SEMA3E: variants seen among roughly 807,000 people sequenced by gnomAD.
SEMA3E encodes semaphorin-3E.
In SEMA3E, 49 loss-of-function variants were observed where a neutral mutation model predicts 93.6. The observed-to-expected ratio is 0.52, with a 90% CI of 0.42 to 0.66. SEMA3E has a LOEUF of 0.66. SEMA3E is among the 30% of genes least tolerant of loss of function. The probability of loss-of-function intolerance (pLI) is 0.00; values close to 1 mark genes in which losing one functional copy is unlikely to be tolerated. For missense variants in SEMA3E, 906 were observed against 964.8 expected, an observed-to-expected ratio of 0.94 and a Z score of 0.81; for synonymous variants, 363 against 330.7, an observed-to-expected ratio of 1.10 and a Z score of -1.06.
At chr7:83,438,570 T>A (rs992057696) in intron 4 of SEMA3E, among the ~76,000 whole-genome samples, 1 of 152,036 alleles carries the variant, frequency 6.6e-6, no homozygotes, top group African/African-American at 2.4e-5. Flanking sequence ...TAGAAAACAA[T>A]AGTAGTGATA....
intron 3 of SEMA3E, among the ~76,000 whole-genome samples, chr7:83,467,818 A>T (rs1220518658): frequency 6.6e-6 from 1 of 152,252 alleles, no homozygotes; most frequent in East Asian, 1.9e-4. Context: ...AATTGAGCAC[A>T]GCACCTAATA....
intron 1 of SEMA3E, among the ~76,000 whole-genome samples, chr7:83,554,092 A>AT (rs1791831409): frequency 2.6e-5 from 4 of 152,162 alleles, no homozygotes; most frequent in Admixed American, 2.6e-4. Flanking sequence ...TATGTTAAGA[A>AT]TATATTCTCA....
rs182178191 is a variant in SEMA3E, at chr7:83,427,967, C to T, written c.457-9484G>A. Reference sequence around the variant, plus strand: ...GGCATTCCCAGCATTAACATGTGGGCTGCATTTTCTGTTTCAATGTGATAT... The same window carrying T: ...GGCATTCCCAGCATTAACATGTGGGTTGCATTTTCTGTTTCAATGTGATAT... On this transcript the variant is annotated intron_variant, in intron 4 of 16. Coordinates refer to ENST00000643230, the MANE Select transcript of SEMA3E (RefSeq NM_012431.3). Among the ~76,000 whole-genome samples, 22 of 152,294 alleles carry T rather than the reference C, an allele frequency of 1.4e-4. No individual in the cohort carries two copies. In the East Asian group the frequency reaches 3.9e-3, roughly 27 times the overall value.
At chr7:83,407,018 T>C in intron 7 of SEMA3E, 79 bp downstream of exon 7, 1 of 1,544,646 alleles carries the variant, frequency 6.5e-7, no homozygotes, top group Non-Finnish European at 8.9e-7. Flanking sequence ...TATTTAAAAG[T>C]AGAAACTTAC....
intron 1 of SEMA3E, 148 bp from the exon 2 acceptor site, chr7:83,490,422 G>T: frequency 1.4e-6 from 1 of 738,880 alleles, no homozygotes; most frequent in Non-Finnish European, 2.2e-6. Context: ...GAATTTTAAT[G>T]TGCACAAGTT....
At chr7:83,436,229 T>C (rs1430736394) in intron 4 of SEMA3E, among the ~76,000 whole-genome samples, 3 of 151,766 alleles carry the variant, frequency 2.0e-5, no homozygotes, top group African/African-American at 4.8e-5. Context: ...GTTAAAGATA[T>C]ACAACACAAA....
At chr7:83,519,712 T>G (rs184624053) in intron 1 of SEMA3E, among the ~76,000 whole-genome samples, 22 of 152,286 alleles carry the variant, frequency 1.4e-4, no homozygotes, top group African/African-American at 4.1e-4. Flanking sequence ...CTTTAGCCCC[T>G]ACTAAACCAT....
intron 1 of SEMA3E, among the ~76,000 whole-genome samples, chr7:83,599,600 A>T (rs1056764300): frequency 6.6e-6 from 1 of 152,240 alleles, no homozygotes; most frequent in African/African-American, 2.4e-5. Context: ...AAATGAGTAT[A>T]TATTTTTCCC....
At chr7:83,549,443 A>G (rs1185662792) in intron 1 of SEMA3E, among the ~76,000 whole-genome samples, 1 of 152,018 alleles carries the variant, frequency 6.6e-6, no homozygotes, top group Non-Finnish European at 1.5e-5. Flanking sequence ...ATTTGTCACT[A>G]TTTTCCTTTA....
At position 83,462,379 on chromosome 7, in the gene SEMA3E, G is replaced by A. The variant is rs534127009; in HGVS notation, c.456+4103C>T. ...GCCAACTTAGACAATACTCTTTTAAGCACTCCTTTTTAGTTACCCCCACCT... is the reference window on the plus strand; with the variant it reads ...GCCAACTTAGACAATACTCTTTTAAACACTCCTTTTTAGTTACCCCCACCT... On this transcript the variant is annotated intron_variant, in intron 4 of 16. Coordinates refer to ENST00000643230, the MANE Select transcript of SEMA3E (RefSeq NM_012431.3). Among the ~76,000 whole-genome samples, 7 of 152,100 alleles carry A rather than the reference G, an allele frequency of 4.6e-5. No individual in the cohort carries two copies. In the East Asian group the frequency reaches 7.8e-4, roughly 17 times the overall value.
intron 1 of SEMA3E, among the ~76,000 whole-genome samples, chr7:83,576,396 C>A (rs1251150132): frequency 6.6e-6 from 1 of 151,936 alleles, no homozygotes; most frequent in Non-Finnish European, 1.5e-5. Context: ...CAGCAATAAG[C>A]CAAGCGAAAA....
At chr7:83,510,500 T>C (rs1790795691) in intron 1 of SEMA3E, among the ~76,000 whole-genome samples, 1 of 152,154 alleles carries the variant, frequency 6.6e-6, no homozygotes, top group African/African-American at 2.4e-5. Flanking sequence ...AGATATATAC[T>C]AATATAGTGT....
At chr7:83,543,323 G>T (rs963768932) in intron 1 of SEMA3E, among the ~76,000 whole-genome samples, 15 of 151,756 alleles carry the variant, frequency 9.9e-5, no homozygotes, top group Middle Eastern at 3.4e-3. Flanking sequence ...TTAACATGTT[G>T]TTCCAAAAGC....
chr7:83,542,373 C>T lies in SEMA3E; in HGVS notation c.116-52099G>A, dbSNP rs567320030. Among the ~76,000 whole-genome samples the T allele has an allele frequency of 4.5e-4, 68 of 151,996 alleles. 1 individual carries two copies. Among genetic ancestry groups the T allele is most frequent in the South Asian group, 4.4e-3 (21 of 4,818 alleles). On this transcript the variant is annotated intron_variant, in intron 1 of 16. Coordinates refer to ENST00000643230, the MANE Select transcript of SEMA3E (RefSeq NM_012431.3). Reference sequence around the variant, plus strand: ...AATAATAAGGTCAAACTCTTGATAACTAGAATTAGAAAAATCAACAGAAAA... The same window carrying T: ...AATAATAAGGTCAAACTCTTGATAATTAGAATTAGAAAAATCAACAGAAAA...
intron 8 of SEMA3E, among the ~76,000 whole-genome samples, 157 bp downstream of exon 8, chr7:83,405,788 A>T (rs925188756): frequency 2.6e-5 from 4 of 152,028 alleles, no homozygotes; most frequent in African/African-American, 9.7e-5. Flanking sequence ...CTTTTCCCCC[A>T]GCATGCGTGC....
intron 1 of SEMA3E, among the ~76,000 whole-genome samples, chr7:83,529,122 A>G (rs914286916): frequency 1.3e-5 from 2 of 152,154 alleles, no homozygotes; most frequent in Non-Finnish European, 2.9e-5. Context: ...TAAAATAGTA[A>G]TTAAAGAATT....
At chr7:83,635,362 T>C (rs981381286) in intron 1 of SEMA3E, among the ~76,000 whole-genome samples, 3 of 151,888 alleles carry the variant, frequency 2.0e-5, no homozygotes, top group African/African-American at 7.2e-5. Flanking sequence ...CTAATTTCTA[T>C]AGACTTCTTT....
intron 1 of SEMA3E, among the ~76,000 whole-genome samples, chr7:83,507,424 C>CCGTGTG (rs1554333783): frequency 5.6e-5 from 7 of 125,928 alleles, no homozygotes; most frequent in Non-Finnish European, 8.5e-5. Flanking sequence ...AAACAGAACT[C>CCGTGTG]TGTGTGTGTG....
At chr7:83,552,082 C>A (rs1791779065) in intron 1 of SEMA3E, among the ~76,000 whole-genome samples, 1 of 152,078 alleles carries the variant, frequency 6.6e-6, no homozygotes, top group Non-Finnish European at 1.5e-5. Context: ...CCCTGAAAAA[C>A]ATATATACTC....
Sources: allele counts gnomAD v4.1 joint callset (sites outside exome capture counted in the v4.1 genomes callset), GRCh38; gene constraint gnomAD v4.1.1; transcripts MANE v1.5; gene names NCBI Gene and HGNC (gene_info 2026-07-23, HGNC 2026-07-21).